Variants in MAGT1 observed in about 807,000 individuals in gnomAD.
The protein encoded by MAGT1 is magnesium transporter 1, also known as dolichyl-diphosphooligosaccharide--protein glycosyltransferase subunit MAGT1.
In MAGT1, 4 loss-of-function variants were observed where a neutral mutation model predicts 28.4. The ratio of observed to expected loss-of-function variants is 0.14; its 90% CI spans 0.07 to 0.32. The LOEUF is 0.32. Among genes scored for constraint, MAGT1 ranks in the 10% least tolerant of loss-of-function variants. The probability of loss-of-function intolerance (pLI) is 1.00; values close to 1 mark genes in which losing one functional copy is unlikely to be tolerated. For missense variants in MAGT1, 193 were observed against 264.5 expected (o/e 0.73, Z 1.88); for synonymous variants, 89 against 89.7 (o/e 0.99, Z 0.04).
At position 77,876,132 on chromosome X, in the gene MAGT1, T is replaced by TTATATATATA. The variant is rs1222026237; in HGVS notation, c.103-545_103-536dup. On this transcript the variant is annotated intron_variant, in intron 1 of 9. Coordinates refer to ENST00000618282, the MANE Select transcript of MAGT1 (RefSeq NM_001367916.1). ...AGGCATGAGCCACCACACCTGGCCT[T>TTATATATATA]TATATATATATATATATATATATAT... Among the ~76,000 whole-genome samples, 79 of 34,065 alleles carry TTATATATATA rather than the reference T, an allele frequency of 2.3e-3. 3 individuals carry two copies. The highest frequency in any genetic ancestry group is 0.011 in the African/African-American group (70 of 6,334). 29.6% of individuals were successfully genotyped at this position (34,065 alleles called of 115,157 possible).
intron 7 of MAGT1, among the ~76,000 whole-genome samples, chrX:77,848,521 A>T (rs1182886555): frequency 1.8e-5 from 2 of 111,111 alleles, no homozygotes; most frequent in Non-Finnish European, 3.8e-5. Flanking sequence ...GTATTTTCAG[A>T]TTTCTTTGTA....
At chrX:77,883,290 C>T (rs1197724994) in intron 1 of MAGT1, among the ~76,000 whole-genome samples, 2 of 104,569 alleles carry the variant, frequency 1.9e-5, no homozygotes, top group Admixed American at 1.1e-4. Flanking sequence ...TGGGTCATCC[C>T]ATCTGCCGGC....
At chrX:77,876,029 C>T (rs1472511437) in intron 1 of MAGT1, among the ~76,000 whole-genome samples, 3 of 103,077 alleles carry the variant, frequency 2.9e-5, no homozygotes, top group Non-Finnish European at 3.9e-5. Context: ...TGGGGCTTCT[C>T]CATGTTGCCC....
intron 3 of MAGT1, among the ~76,000 whole-genome samples, chrX:77,862,158 C>T (rs1300993717): frequency 9.0e-6 from 1 of 111,587 alleles, no homozygotes; most frequent in African/African-American, 3.2e-5. Flanking sequence ...TCAGTTTTCA[C>T]ATACGCTTAG....
At chrX:77,874,631 G>C (rs996336062) in intron 2 of MAGT1, among the ~76,000 whole-genome samples, 60 of 106,109 alleles carry the variant, frequency 5.7e-4, no homozygotes, top group Non-Finnish European at 7.8e-4. Flanking sequence ...CAGTTTTCTT[G>C]AATTCCAAAC....
intron 1 of MAGT1, among the ~76,000 whole-genome samples, chrX:77,891,368 T>G (rs1204401602): frequency 1.6e-5 from 1 of 63,999 alleles, no homozygotes; most frequent in East Asian, 5.5e-4. Flanking sequence ...CTGGGGTGGG[T>G]AGAGATGAGT....
chrX:77,881,778 C>G (rs1164892214), intron 1 of MAGT1, among the ~76,000 whole-genome samples: 16 of 110,758 alleles, frequency 1.4e-4, no homozygotes, highest in Non-Finnish European at 3.8e-5. Context: ...GGGTATATAC[C>G]CAGTAATGGG....
intron 2 of MAGT1, among the ~76,000 whole-genome samples, chrX:77,872,877 C>T (rs1368062707): frequency 8.9e-6 from 1 of 112,159 alleles, no homozygotes; most frequent in East Asian, 2.8e-4. Context: ...CCCAACAGCA[C>T]CACAACTACA....
At chrX:77,832,822 CAAAAAAAAA>C (rs72197791) in intron 8 of MAGT1, among the ~76,000 whole-genome samples, 2 of 32,351 alleles carry the variant, frequency 6.2e-5, no homozygotes, top group Admixed American at 5.7e-4. Context: ...GCCTCTGTCT[CAAAAAAAAA>C]AAAAAAAAAA....
intron 3 of MAGT1, 127 bp from the exon 4 acceptor site, chrX:77,857,624 G>C: frequency 1.2e-6 from 1 of 832,507 alleles, no homozygotes; most frequent in South Asian, 2.2e-5. Flanking sequence ...AAGTGATTTG[G>C]TTTGCCCAAG....
At chrX:77,856,993 T>C (rs2076983101) in intron 4 of MAGT1, 120 bp from the exon 5 acceptor site, 6 of 654,909 alleles carry the variant, frequency 9.2e-6, no homozygotes, top group Non-Finnish European at 1.4e-5. Flanking sequence ...GGAAAAATGA[T>C]CCTTTTTATG....
chrX:77,853,654 T>C (rs1372815336), intron 7 of MAGT1, among the ~76,000 whole-genome samples: 2 of 112,280 alleles, frequency 1.8e-5, no homozygotes, highest in African/African-American at 6.5e-5. Context: ...GTTAAGATGT[T>C]CCATGGTTCT....
At chrX:77,837,941 T>G (rs1230002381) in intron 8 of MAGT1, among the ~76,000 whole-genome samples, 6 of 111,154 alleles carry the variant, frequency 5.4e-5, no homozygotes, top group African/African-American at 2.0e-4. Flanking sequence ...GGTTTCGCCA[T>G]GTTGGCCAGG....
intron 8 of MAGT1, among the ~76,000 whole-genome samples, chrX:77,835,086 G>A (rs1414993346): frequency 9.3e-6 from 1 of 107,839 alleles, no homozygotes; most frequent in Non-Finnish European, 1.9e-5. Context: ...CTCCCAAGTA[G>A]CTGGGACTAC....
At chrX:77,894,790 T>C (rs782610477) in intron 1 of MAGT1, among the ~76,000 whole-genome samples, 82 of 112,299 alleles carry the variant, frequency 7.3e-4, no homozygotes, top group Non-Finnish European at 1.1e-3. Flanking sequence ...TGTGGAATGA[T>C]TGAAAATGGT....
Position 77,829,158 on chromosome X carries a change from C to T in MAGT1, c.*62G>A. On this transcript the variant is annotated 3_prime_UTR_variant, in exon 10 of 10. Transcript: ENST00000618282. ...TACAAGTTGCATTCTTCTTTTCAAA[C>T]ACACACGATTTTCGTTTTTCAATTT... 1.0e-6 allele frequency: 1 copy of T among 965,895 alleles called. No individual in the cohort carries two copies. The highest frequency in any genetic ancestry group is 3.2e-5 in the East Asian group (1 of 31,621). The allele number at this position is 965,895 out of a possible 1,213,427, so 79.6% of individuals were successfully genotyped here.
In MAGT1 at chrX:77,840,304, T is replaced by C. The variant is rs2076931409; in HGVS notation, c.901+942A>G. Among the ~76,000 whole-genome samples the C allele has an allele frequency of 3.8e-5, 4 of 104,589 alleles. No homozygotes were observed. In the South Asian group the frequency reaches 1.8e-3, roughly 46 times the overall value. 90.8% of individuals were successfully genotyped at this position (104,589 alleles called of 115,157 possible). A position where few individuals can be genotyped will look rare whatever the true frequency, so the allele number is the denominator to read the frequency against. On this transcript the variant is annotated intron_variant, in intron 8 of 9. Transcript: ENST00000618282. ...CAAAAAAACTAGCCGGGCGTGGTGG[T>C]GGGCGCCTGTAATCCCAGCTACTCA... is the stretch of plus-strand genomic sequence containing the variant.
Position 77,826,132 on chromosome X carries a change from T to G in MAGT1, c.*3088A>C, listed in dbSNP as rs782403914. Among the ~76,000 whole-genome samples the G allele has an allele frequency of 8.9e-6, 1 of 112,541 alleles. No homozygotes were observed. The highest frequency in any genetic ancestry group is 3.6e-4 in the South Asian group (1 of 2,761). The stretch of plus-strand genomic sequence containing the variant: ...ATTTATCTACTCATCTTGGTTGTTT[T>G]GACTCACCTAATGGGTAACAACATT... On this transcript the variant is annotated 3_prime_UTR_variant, in exon 10 of 10. Transcript: ENST00000618282.
chrX:77,845,383 A>T (rs1349800919), intron 7 of MAGT1, among the ~76,000 whole-genome samples: 7 of 111,220 alleles, frequency 6.3e-5, no homozygotes, highest in African/African-American at 2.3e-4. Flanking sequence ...ATGGGTCTTG[A>T]TTCTTTATCC....
Sources: gnomAD v4.1 joint callset for allele counts (sites outside exome capture counted in the v4.1 genomes callset) on GRCh38, gnomAD v4.1.1 for gene constraint, MANE v1.5 for transcripts, NCBI Gene and HGNC (gene_info 2026-07-23, HGNC 2026-07-21) for gene names.